HUWE1: variants seen among roughly 807,000 people sequenced by gnomAD.
HUWE1 encodes the protein HECT, UBA and WWE domain containing E3 ubiquitin protein ligase 1, also known as E3 ubiquitin-protein ligase HUWE1.
HUWE1 carries 18 observed loss-of-function variants against 299.4 expected under a neutral mutation model. The ratio of observed to expected loss-of-function variants is 0.06; its 90% CI spans 0.04 to 0.09. The LOEUF is 0.09. Ranked by LOEUF, HUWE1 falls within the 10% of genes least tolerant of loss-of-function variation. The pLI, the probability that HUWE1 is intolerant of heterozygous loss-of-function variation, is 1.00. For missense variants in HUWE1, 1,832 were observed against 3,462.3 expected (o/e 0.53, Z 11.82); for synonymous variants, 1,317 against 1,286.1 (o/e 1.02, Z -0.51).
At chrX:53,582,445 T>TACTC (rs1434158210) in intron 42 of HUWE1, among the ~76,000 whole-genome samples, 2 of 112,393 alleles carry the variant, frequency 1.8e-5, no homozygotes, top group Middle Eastern at 4.6e-3. Flanking sequence ...CTAAAATGTA[T>TACTC]ACTCAGATAT....
chrX:53,627,958 G>GTA, intron 15 of HUWE1, 79 bp from the exon 16 acceptor site: 2 of 924,230 alleles, frequency 2.2e-6, no homozygotes, highest in Non-Finnish European at 3.1e-6. Context: ...TTGTATACAT[G>GTA]TAGTCTGGGG....
chrX:53,600,941 A>G (rs782536597), intron 28 of HUWE1, among the ~76,000 whole-genome samples: 11 of 112,201 alleles, frequency 9.8e-5, no homozygotes, highest in Admixed American at 4.7e-4. Context: ...CAGTGAATCT[A>G]ATTTCATTCT....
At chrX:53,576,774 T>C (rs1343462193) in intron 44 of HUWE1, 126 bp downstream of exon 44, 9 of 634,131 alleles carry the variant, frequency 1.4e-5, no homozygotes, top group Non-Finnish European at 2.3e-5. Context: ...GGGTATCTTA[T>C]TCATCTTGAG....
rs781786133 is a variant in HUWE1, at chrX:53,645,359, T to A, written c.456A>T (p.Gly152=). 8.3e-7 allele frequency: 1 copy of A among 1,210,781 alleles called. No homozygotes were observed. Among genetic ancestry groups the A allele is most frequent in the Non-Finnish European group, 1.1e-6 (1 of 895,146 alleles). ...TTAGCAGCGGGGTCCTCTTGTCAGA[T>A]CCCAGACGAGTGATGTAGTTTGATC... is the stretch of plus-strand genomic sequence containing the variant. ...SKRSNYITRL[G]SDKRTPLLTR... Residue 152 remains glycine, a synonymous_variant, in exon 7 of 84, where the codon GGA becomes GGT. Transcript: ENST00000262854.
At position 53,546,808 on chromosome X, in the gene HUWE1, C is replaced by G; in HGVS notation, c.10654G>C (p.Gly3552Arg). The G allele has an allele frequency of 8.3e-7, 1 of 1,207,864 alleles. No individual in the cohort carries two copies. Among genetic ancestry groups the G allele is most frequent in the Non-Finnish European group, 1.1e-6 (1 of 893,675 alleles). The change falls in exon 69 of 84, where the codon GGC becomes CGC. Residue 3552 changes from glycine (G) to arginine (R), a missense_variant. Coordinates refer to ENST00000262854, the MANE Select transcript of HUWE1 (RefSeq NM_031407.7). ...CTCACCTTCGCTGGAGATTTGCTGC[C>G]CTTAGTAGTGGGAGAAACTTTGAGG... ...TTVSISPTTK[G>R]SKSPAKVSDG...
chrX:53,538,740 T>A (rs1024343954), intron 76 of HUWE1, 95 bp downstream of exon 76: 1 of 881,915 alleles, frequency 1.1e-6, no homozygotes, highest in African/African-American at 2.0e-5. Context: ...TCTCTCTCTC[T>A]CTCTCTCTCT....
intron 3 of HUWE1, among the ~76,000 whole-genome samples, chrX:53,679,136 T>C (rs1269736729): frequency 1.8e-5 from 2 of 109,582 alleles, no homozygotes; most frequent in African/African-American, 3.3e-5. Context: ...GGCGGGAAAC[T>C]ATATATAGGA....
At chrX:53,586,637 T>G (rs2063873575) in intron 38 of HUWE1, 66 bp from the exon 39 acceptor site, 3 of 1,071,077 alleles carry the variant, frequency 2.8e-6, no homozygotes, top group Non-Finnish European at 3.9e-6. Context: ...AAATATATCT[T>G]AATTTCATCA....
At chrX:53,636,705 G>C (rs1269128513) in intron 7 of HUWE1, among the ~76,000 whole-genome samples, 1 of 112,159 alleles carries the variant, frequency 8.9e-6, no homozygotes, top group African/African-American at 3.2e-5. Context: ...CTGGGCAACA[G>C]AGTGAGACCC....
Position 53,548,265 on chromosome X carries a change from G to C in HUWE1, c.10044C>G (p.Pro3348=). The change falls in exon 68 of 84, where the codon CCC becomes CCG. Residue 3348 remains proline, a synonymous_variant. Coordinates refer to ENST00000262854, the MANE Select transcript of HUWE1 (RefSeq NM_031407.7). ...TGGTCCGCTGCTGTGTGAAGTGGCT[G>C]GGAAATACCTGCCGGGAAAAGGAGG... The part of the protein sequence containing the change: ...DTLIQLAKVF[P]SHFTQQRTKE... The C allele has an allele frequency of 8.3e-7, 1 of 1,209,386 alleles. No individual in the cohort carries two copies. Among genetic ancestry groups the C allele is most frequent in the Non-Finnish European group, 1.1e-6 (1 of 894,129 alleles).
At chrX:53,684,487 T>C (rs1468200087) in intron 2 of HUWE1, among the ~76,000 whole-genome samples, 2 of 111,875 alleles carry the variant, frequency 1.8e-5, no homozygotes, top group African/African-American at 3.3e-5. Context: ...ATCTCGGCCA[T>C]GTCCTGAAAA....
chrX:53,536,131 G>C lies in HUWE1; in HGVS notation c.12531+16C>G, dbSNP rs1398463536. On this transcript the variant is annotated intron_variant, in intron 80 of 83. Coordinates refer to ENST00000262854, the MANE Select transcript of HUWE1 (RefSeq NM_031407.7). The stretch of plus-strand genomic sequence containing the variant: ...GATTGGCTGGGATGTGCTGTGATTA[G>C]GATTTCCTGACCTACCTCAGTGCTG... 11 of 1,086,751 alleles carry C rather than the reference G, an allele frequency of 1.0e-5. No homozygotes were observed. Among genetic ancestry groups the C allele is most frequent in the Non-Finnish European group, 1.4e-5 (11 of 784,048 alleles). 89.6% of individuals were successfully genotyped at this position (1,086,751 alleles called of 1,213,427 possible). A position where few individuals can be genotyped will look rare whatever the true frequency, so the allele number is the denominator to read the frequency against.
chrX:53,568,983 T>C (rs1763464961), intron 48 of HUWE1, 109 bp from the exon 49 acceptor site: 1 of 629,626 alleles, frequency 1.6e-6, no homozygotes. Context: ...TATTTCCTTC[T>C]GGAAATAACA....
chrX:53,614,633 G>A lies in HUWE1; in HGVS notation c.2162C>T (p.Ala721Val), dbSNP rs1557005607. The stretch of plus-strand genomic sequence containing the variant: ...ATCCTCACTAGAGGCTTCTTCTGCG[G>A]CATGATTAGACCTTGGGGGAGGAGC... ...ATAPPPRSNH[A>V]AEEASSEDEE... The change falls in exon 23 of 84, where the codon GCC becomes GTC. Residue 721 changes from alanine to valine, a missense_variant. Transcript: ENST00000262854. 1 of 1,205,886 alleles carries A rather than the reference G, an allele frequency of 8.3e-7. No individual in the cohort carries two copies. Among genetic ancestry groups the A allele is most frequent in the African/African-American group, 1.8e-5 (1 of 56,960 alleles).
chrX:53,654,362 A>G (rs1373759391), intron 3 of HUWE1, among the ~76,000 whole-genome samples: 1 of 112,119 alleles, frequency 8.9e-6, no homozygotes, highest in Non-Finnish European at 1.9e-5. Flanking sequence ...ACTGAAACCA[A>G]ATCAGGTCAA....
intron 27 of HUWE1, among the ~76,000 whole-genome samples, chrX:53,603,160 T>C (rs1031642876): frequency 2.7e-5 from 3 of 111,680 alleles, no homozygotes; most frequent in African/African-American, 9.8e-5. Context: ...CACAACTCAA[T>C]TTTTTGTATC....
intron 2 of HUWE1, among the ~76,000 whole-genome samples, chrX:53,683,500 C>G (rs2070297772): frequency 9.0e-6 from 1 of 111,155 alleles, no homozygotes; most frequent in Non-Finnish European, 1.9e-5. Context: ...AATTTAACCC[C>G]CAACCCCACT....
chrX:53,632,798 C>T (rs2066957731), intron 8 of HUWE1, among the ~76,000 whole-genome samples: 1 of 112,117 alleles, frequency 8.9e-6, no homozygotes, highest in Admixed American at 9.4e-5. Context: ...CCCAAACCTT[C>T]TGCATTTCAT....
chrX:53,628,164 A>G (rs1271831579), intron 15 of HUWE1, among the ~76,000 whole-genome samples: 2 of 111,360 alleles, frequency 1.8e-5, no homozygotes, highest in Non-Finnish European at 3.8e-5. Context: ...TATTACTACT[A>G]CAACACAACT....
Sources: allele counts gnomAD v4.1 joint callset (sites outside exome capture counted in the v4.1 genomes callset), GRCh38; gene constraint gnomAD v4.1.1; transcripts MANE v1.5; gene names NCBI Gene and HGNC (gene_info 2026-07-23, HGNC 2026-07-21).